Variants in ATP2B4 observed in about 807,000 individuals in gnomAD.
ATP2B4 encodes the protein plasma membrane calcium-transporting ATPase 4.
Under a neutral mutation model 110.3 loss-of-function variants are expected in ATP2B4, and 39 were observed. That is an observed-to-expected ratio of 0.35 (90% CI 0.27 to 0.46). The LOEUF (loss-of-function observed/expected upper bound fraction) is 0.46, where lower values mean the gene tolerates loss of function less well. ATP2B4 is among the 20% of genes least tolerant of loss of function. The probability of loss-of-function intolerance (pLI) is 1.00; values close to 1 mark genes in which losing one functional copy is unlikely to be tolerated. For missense variants in ATP2B4, 1,135 were observed against 1,530.9 expected, an observed-to-expected ratio of 0.74 and a Z score of 4.32; for synonymous variants, 538 against 571.7, an observed-to-expected ratio of 0.94 and a Z score of 0.84.
chr1:203,685,357 G>A (rs2102364745), intron 2 of ATP2B4, among the ~76,000 whole-genome samples: 1 of 152,288 alleles, frequency 6.6e-6, no homozygotes, highest in South Asian at 2.1e-4. Flanking sequence ...CTATACATCT[G>A]GCAGTTCATG....
intron 1 of ATP2B4, among the ~76,000 whole-genome samples, chr1:203,637,303 C>T (rs945900957): frequency 2.6e-5 from 4 of 151,928 alleles, no homozygotes; most frequent in African/African-American, 7.2e-5. Flanking sequence ...AGGTGGCAGG[C>T]GCCTGTAGTC....
intron 1 of ATP2B4, among the ~76,000 whole-genome samples, chr1:203,658,047 T>C (rs1664219193): frequency 6.6e-6 from 1 of 152,196 alleles, no homozygotes; most frequent in Non-Finnish European, 1.5e-5. Flanking sequence ...GTAGTCACAT[T>C]GTGTTTTTTA....
At position 203,740,210 on chromosome 1, in the gene ATP2B4, C is replaced by A; in HGVS notation, c.*356C>A. The A allele has an allele frequency of 4.5e-6, 1 of 222,872 alleles. No homozygotes were observed. Among genetic ancestry groups the A allele is most frequent in the Non-Finnish European group, 8.9e-6 (1 of 111,790 alleles). 13.8% of individuals were successfully genotyped at this position (222,872 alleles called of 1,614,324 possible). On this transcript the variant is annotated 3_prime_UTR_variant, in exon 21 of 21. Transcript: ENST00000357681. ...CTCCTGAATTCTGGATTTTGTCCTA[C>A]AAGTCTGTGCCATTTATAAGCTAAG... is the stretch of plus-strand genomic sequence containing the variant.
intron 8 of ATP2B4, among the ~76,000 whole-genome samples, chr1:203,704,083 A>T (rs551325361): frequency 6.6e-6 from 1 of 152,242 alleles, no homozygotes; most frequent in African/African-American, 2.4e-5. Context: ...CATATATTAC[A>T]GCAGGGGAGA....
intron 6 of ATP2B4, among the ~76,000 whole-genome samples, chr1:203,701,355 C>A (rs1037551604): frequency 6.6e-6 from 1 of 152,182 alleles, no homozygotes; most frequent in African/African-American, 2.4e-5. Flanking sequence ...TCTGCCGAAA[C>A]TGTAGGCTCT....
At chr1:203,687,147 G>A (rs111774663) in intron 2 of ATP2B4, among the ~76,000 whole-genome samples, 4 of 151,646 alleles carry the variant, frequency 2.6e-5, no homozygotes, top group African/African-American at 4.8e-5. Context: ...CTGGGGAGAC[G>A]GTGTTGGAAA....
intron 1 of ATP2B4, among the ~76,000 whole-genome samples, chr1:203,678,876 T>TG (rs1027959358): frequency 9.9e-5 from 15 of 152,150 alleles, no homozygotes; most frequent in African/African-American, 3.6e-4. Context: ...ATCTGTAAGG[T>TG]GGGGGTCACA....
chr1:203,630,385 T>C (rs1366792275), intron 1 of ATP2B4, among the ~76,000 whole-genome samples: 1 of 147,814 alleles, frequency 6.8e-6, no homozygotes. Flanking sequence ...TTTTTTTTTT[T>C]TTCAATGCTC....
rs117339764 is a variant in ATP2B4, at chr1:203,638,867, A to G, written c.-465+11648A>G. Reference sequence around the variant, plus strand: ...GTTACTGTTGCTGTTATTATTAACAATTAAGGTCATTAGCACACAGAAAAT... The same window carrying G: ...GTTACTGTTGCTGTTATTATTAACAGTTAAGGTCATTAGCACACAGAAAAT... On this transcript the variant is annotated intron_variant, in intron 1 of 20. Coordinates refer to ENST00000357681, the MANE Select transcript of ATP2B4 (RefSeq NM_001684.5). 1.5e-3 allele frequency among the ~76,000 whole-genome samples: 225 copies of G among 152,312 alleles called. 8 individuals are homozygous for G. In the East Asian group the frequency reaches 0.037, roughly 25 times the overall value.
chr1:203,641,281 C>T (rs980691923), intron 1 of ATP2B4, among the ~76,000 whole-genome samples: 2 of 152,220 alleles, frequency 1.3e-5, no homozygotes, highest in Non-Finnish European at 2.9e-5. Context: ...TCAGTCCAAA[C>T]GCCAACAGAT....
At chr1:203,668,159 G>C (rs1664562497) in intron 1 of ATP2B4, among the ~76,000 whole-genome samples, 2 of 152,182 alleles carry the variant, frequency 1.3e-5, no homozygotes, top group Non-Finnish European at 2.9e-5. Context: ...ACCATGCTCT[G>C]TAGGCTCAGA....
At chr1:203,680,951 G>A (rs886596218) in intron 1 of ATP2B4, among the ~76,000 whole-genome samples, 4 of 152,128 alleles carry the variant, frequency 2.6e-5, no homozygotes, top group African/African-American at 9.7e-5. Context: ...TCTACTTAAG[G>A]GTCAAGTTGG....
At chr1:203,718,235 A>T (rs1357803997) in intron 15 of ATP2B4, among the ~76,000 whole-genome samples, 2 of 151,750 alleles carry the variant, frequency 1.3e-5, no homozygotes, top group Admixed American at 1.3e-4. Flanking sequence ...AGAATTATAG[A>T]TGTCTAACTT....
At chr1:203,647,522 G>T (rs1254421959) in intron 1 of ATP2B4, among the ~76,000 whole-genome samples, 1 of 152,148 alleles carries the variant, frequency 6.6e-6, no homozygotes, top group Non-Finnish European at 1.5e-5. Flanking sequence ...CACTTTGGGA[G>T]GCAAAGCGGG....
rs190218822 is a variant in ATP2B4, at chr1:203,736,697, G to A, written c.3310-2849G>A. ...AGGAAGGGAAGGGTTGACTGGCTGT[G>A]TGGAGAGTGCTCAAAGCTTTCCCTG... On this transcript the variant is annotated intron_variant, in intron 20 of 20. Coordinates refer to ENST00000357681, the MANE Select transcript of ATP2B4 (RefSeq NM_001684.5). Among the ~76,000 whole-genome samples the A allele has an allele frequency of 1.5e-3, 234 of 152,302 alleles. 3 individuals are homozygous for A. In the East Asian group the frequency reaches 0.027, roughly 18 times the overall value.
chr1:203,709,282 T>C lies in ATP2B4; in HGVS notation c.1558-19T>C. ...CAAGGCATCTTACTCAATAGTGCTG[T>C]GTATATTTCTTCTCCCAGCCTCCAG... On this transcript the variant is annotated intron_variant, in intron 10 of 20. Coordinates refer to ENST00000357681, the MANE Select transcript of ATP2B4 (RefSeq NM_001684.5). 2 of 1,614,076 alleles carry C rather than the reference T, an allele frequency of 1.2e-6. No homozygotes were observed. The highest frequency in any genetic ancestry group is 1.7e-4 in the Middle Eastern group (1 of 5,990).
At chr1:203,721,007 G>T (rs1354734612) in intron 16 of ATP2B4, among the ~76,000 whole-genome samples, 190 bp from the exon 17 acceptor site, 2 of 152,132 alleles carry the variant, frequency 1.3e-5, no homozygotes, top group Non-Finnish European at 2.9e-5. Context: ...TGTGAAGTAG[G>T]TATTATTATC....
At chr1:203,655,840 A>T (rs754317586) in intron 1 of ATP2B4, among the ~76,000 whole-genome samples, 1 of 152,144 alleles carries the variant, frequency 6.6e-6, no homozygotes, top group Non-Finnish European at 1.5e-5. Flanking sequence ...CATTGAGAAA[A>T]GACCTCTCCA....
At chr1:203,710,322 A>G (rs5023770) in intron 11 of ATP2B4, among the ~76,000 whole-genome samples, 13,730 of 151,924 alleles carry the variant, frequency 0.09, 1,660 homozygotes, top group East Asian at 0.31. Flanking sequence ...GTGAGCTGAG[A>G]TCGCACCACT....
Sources: allele counts gnomAD v4.1 joint callset (sites outside exome capture counted in the v4.1 genomes callset), GRCh38; gene constraint gnomAD v4.1.1; transcripts MANE v1.5; gene names NCBI Gene and HGNC (gene_info 2026-07-23, HGNC 2026-07-21).